SEC14L5: variants seen among roughly 807,000 people sequenced by gnomAD.
SEC14L5 encodes the protein SEC14-like protein 5.
SEC14L5 carries 96 observed loss-of-function variants against 84.6 expected under a neutral mutation model. That is an observed-to-expected ratio of 1.13 (90% CI 0.96 to 1.34). The LOEUF is 1.34. Among genes scored for constraint, SEC14L5 ranks in the 40% most tolerant of loss-of-function variants. The pLI is 0.00. For synonymous variants in SEC14L5, 546 were observed against 383.4 expected, an observed-to-expected ratio of 1.42 and a Z score of -4.95; for missense variants, 1,224 against 942.5, an observed-to-expected ratio of 1.30 and a Z score of -3.91.
chr16:5,009,607 A>C (rs1955776751), intron 14 of SEC14L5, among the ~76,000 whole-genome samples: 1 of 152,196 alleles, frequency 6.6e-6, no homozygotes, highest in African/African-American at 2.4e-5. Flanking sequence ...TAGAGGCGTG[A>C]GCCACCATGG....
At chr16:4,978,441 C>T (rs1295547394) in intron 2 of SEC14L5, among the ~76,000 whole-genome samples, 1 of 126,126 alleles carries the variant, frequency 7.9e-6, no homozygotes, top group African/African-American at 3.0e-5. Flanking sequence ...AAAAAAGAAA[C>T]AAGATCTTGC....
At chr16:4,962,016 A>G (rs1301270636) in intron 2 of SEC14L5, among the ~76,000 whole-genome samples, 1 of 152,036 alleles carries the variant, frequency 6.6e-6, no homozygotes, top group Non-Finnish European at 1.5e-5. Context: ...TTTCATCTTC[A>G]TGACAACCTT....
chr16:4,993,351 C>T (rs1260872278), intron 6 of SEC14L5, among the ~76,000 whole-genome samples: 1 of 152,178 alleles, frequency 6.6e-6, no homozygotes, highest in Non-Finnish European at 1.5e-5. Context: ...AAGCAATTCT[C>T]CTGCCTCAGC....
chr16:4,959,708 G>T (rs534625254), intron 2 of SEC14L5, among the ~76,000 whole-genome samples: 2 of 152,178 alleles, frequency 1.3e-5, no homozygotes, highest in African/African-American at 4.8e-5. Flanking sequence ...GCATATCACA[G>T]TGATAAATGG....
intron 8 of SEC14L5, among the ~76,000 whole-genome samples, chr16:5,000,019 C>T (rs538580472): frequency 8.6e-5 from 13 of 151,928 alleles, no homozygotes; most frequent in African/African-American, 2.4e-4. Context: ...GGGCCAGCTG[C>T]GGTGGCTCAT....
intron 2 of SEC14L5, among the ~76,000 whole-genome samples, chr16:4,981,612 C>A (rs1173649066): frequency 2.0e-5 from 3 of 152,116 alleles, no homozygotes; most frequent in Non-Finnish European, 4.4e-5. Context: ...GGCTCTGTTT[C>A]TGAGCTGCCC....
intron 2 of SEC14L5, among the ~76,000 whole-genome samples, chr16:4,973,680 CTTTTTTTTT>C (rs34324146): frequency 7.9e-6 from 1 of 127,092 alleles, no homozygotes; most frequent in African/African-American, 3.0e-5. Context: ...TTCTCTGTCT[CTTTTTTTTT>C]TTTTTTTTTT....
chr16:4,965,666 A>C (rs1955192359), intron 2 of SEC14L5, among the ~76,000 whole-genome samples: 2 of 146,590 alleles, frequency 1.4e-5, no homozygotes, highest in Non-Finnish European at 3.0e-5. Context: ...ATCTCAAAAA[A>C]AAAAAAAAAA....
intron 13 of SEC14L5, among the ~76,000 whole-genome samples, chr16:5,008,015 C>T (rs535709796): frequency 6.0e-4 from 90 of 149,674 alleles, no homozygotes; most frequent in Non-Finnish European, 9.9e-4. Context: ...TCAAGTGATT[C>T]TTCTGCCTCA....
intron 14 of SEC14L5, chr16:5,010,798 G>A (rs1955790693): frequency 2.6e-6 from 1 of 386,668 alleles, no homozygotes; most frequent in Non-Finnish European, 4.7e-6. Flanking sequence ...CAGAGCAAAA[G>A]CCCCACAAAA....
chr16:4,962,056 C>A (rs1955128399), intron 2 of SEC14L5, among the ~76,000 whole-genome samples: 1 of 151,348 alleles, frequency 6.6e-6, no homozygotes, highest in South Asian at 2.1e-4. Context: ...ACAGTCATCC[C>A]CATTTCACAA....
intron 4 of SEC14L5, 77 bp from the exon 5 acceptor site, chr16:4,990,690 G>C: frequency 7.0e-7 from 1 of 1,432,270 alleles, no homozygotes; most frequent in Non-Finnish European, 9.4e-7. Flanking sequence ...CTGGGCCCAG[G>C]TCAGTGGGAG....
chr16:4,979,330 C>T (rs559124423), intron 2 of SEC14L5, among the ~76,000 whole-genome samples: 2 of 152,282 alleles, frequency 1.3e-5, no homozygotes, highest in Admixed American at 1.3e-4. Context: ...GCAAGGGGGT[C>T]AAATTGCAGC....
At chr16:4,995,956 T>C (rs1175270495) in intron 6 of SEC14L5, among the ~76,000 whole-genome samples, 2 of 152,126 alleles carry the variant, frequency 1.3e-5, no homozygotes, top group Non-Finnish European at 2.9e-5. Context: ...GGGATAATAG[T>C]GACGCCTGCC....
intron 8 of SEC14L5, among the ~76,000 whole-genome samples, chr16:4,998,699 C>T (rs1955642232): frequency 7.3e-6 from 1 of 136,980 alleles, no homozygotes; most frequent in Non-Finnish European, 1.5e-5. Flanking sequence ...GATCCCGCCA[C>T]TGCACTCCAG....
intron 2 of SEC14L5, among the ~76,000 whole-genome samples, chr16:4,964,333 A>G (rs1955166764): frequency 6.6e-6 from 1 of 152,088 alleles, no homozygotes; most frequent in Admixed American, 6.6e-5. Flanking sequence ...TCACACCTGT[A>G]ATCCCAGCAC....
At chr16:4,988,425 T>C (rs1033709954) in intron 4 of SEC14L5, 145 bp downstream of exon 4, 7 of 1,014,550 alleles carry the variant, frequency 6.9e-6, no homozygotes, top group Admixed American at 5.6e-5. Flanking sequence ...GCAGGATGCT[T>C]GGTTGCCTTT....
Position 4,996,441 on chromosome 16 carries a change from A to G in SEC14L5, c.761A>G (p.Gln254Arg), listed in dbSNP as rs1458172574. The change falls in exon 7 of 16, where the codon CAG becomes CGG. Residue 254 changes from glutamine to arginine, a missense_variant. Physicochemically the swap from Gln to Arg is conservative, Grantham distance 43 (BLOSUM62 1). Coordinates refer to ENST00000251170, the MANE Select transcript of SEC14L5 (RefSeq NM_014692.2). ...SCLIQLRHWL[Q>R]ETHKGKIPKD... Reference sequence around the variant, plus strand: ...CTGATCCAGCTTCGGCACTGGTTACAGGAGACCCACAAAGGCAAGGTGGGT... The same window carrying G: ...CTGATCCAGCTTCGGCACTGGTTACGGGAGACCCACAAAGGCAAGGTGGGT... The G allele has an allele frequency of 1.9e-6, 3 of 1,569,124 alleles. No individual in the cohort carries two copies. Among genetic ancestry groups the G allele is most frequent in the Non-Finnish European group, 2.6e-6 (3 of 1,157,624 alleles).
At chr16:4,982,207 G>A (rs970097210) in intron 2 of SEC14L5, among the ~76,000 whole-genome samples, 2 of 151,978 alleles carry the variant, frequency 1.3e-5, no homozygotes, top group Non-Finnish European at 2.9e-5. Context: ...TTTCTTCCTC[G>A]GCCCCCCCCT....
Sources: gnomAD v4.1 joint callset for allele counts (sites outside exome capture counted in the v4.1 genomes callset) on GRCh38, gnomAD v4.1.1 for gene constraint, MANE v1.5 for transcripts, NCBI Gene and HGNC (gene_info 2026-07-23, HGNC 2026-07-21) for gene names.